Variants in ALLC observed in about 807,000 individuals in gnomAD.
The protein encoded by ALLC is allantoicase.
ALLC carries 40 observed loss-of-function variants against 45.0 expected under a neutral mutation model. The ratio of observed to expected loss-of-function variants is 0.89; its 90% CI spans 0.69 to 1.16. The LOEUF (loss-of-function observed/expected upper bound fraction) is 1.16, where lower values mean the gene tolerates loss of function less well. Among genes scored for constraint, ALLC ranks in the 50% most tolerant of loss-of-function variants. The pLI, the probability that ALLC is intolerant of heterozygous loss-of-function variation, is 0.00. For synonymous variants in ALLC, 176 were observed against 178.1 expected (o/e 0.99, Z 0.09); for missense variants, 488 against 493.1 (o/e 0.99, Z 0.10).
At chr2:3,690,966 T>C (rs200365318) in intron 7 of ALLC, among the ~76,000 whole-genome samples, 4 of 149,892 alleles carry the variant, frequency 2.7e-5, no homozygotes, top group African/African-American at 9.8e-5. Context: ...TTTTTTTTTT[T>C]CAAATGGAAG....
intron 1 of ALLC, among the ~76,000 whole-genome samples, chr2:3,662,587 C>T (rs1163082795): frequency 6.6e-6 from 1 of 152,116 alleles, no homozygotes; most frequent in African/African-American, 2.4e-5. Context: ...CCCTGATATT[C>T]TTTTTTTATA....
chr2:3,683,287 A>T (rs6732295), intron 7 of ALLC, among the ~76,000 whole-genome samples: 40,493 of 152,190 alleles, frequency 0.27, 6,028 homozygotes, highest in Middle Eastern at 0.4. Flanking sequence ...GTAAATTAGG[A>T]TGTGGTGGAA....
chr2:3,701,694 C>T, intron 11 of ALLC, 58 bp downstream of exon 11: 1 of 1,536,650 alleles, frequency 6.5e-7, no homozygotes, highest in East Asian at 2.3e-5. Flanking sequence ...CCCTAAGATT[C>T]TCTTTTGAAG....
At chr2:3,677,019 C>G (rs570465926) in intron 3 of ALLC, among the ~76,000 whole-genome samples, 2 of 152,174 alleles carry the variant, frequency 1.3e-5, no homozygotes, top group Non-Finnish European at 2.9e-5. Flanking sequence ...AACTCCTGAC[C>G]TCAGGTGATC....
At chr2:3,660,413 C>A (rs1178991531) in intron 1 of ALLC, among the ~76,000 whole-genome samples, 1 of 152,132 alleles carries the variant, frequency 6.6e-6, no homozygotes, top group Non-Finnish European at 1.5e-5. Flanking sequence ...CACAGCGACA[C>A]AAATAGGCTA....
chr2:3,649,159 G>A, the ALLC span, among the ~76,000 whole-genome samples: 17 of 152,068 alleles, frequency 1.1e-4, no homozygotes, highest in South Asian at 2.1e-4. Flanking sequence ...CAATGGGCGC[G>A]TTAATGAGCA....
At chr2:3,679,183 C>T (rs916104357) in intron 4 of ALLC, among the ~76,000 whole-genome samples, 3 of 152,152 alleles carry the variant, frequency 2.0e-5, no homozygotes, top group Admixed American at 2.0e-4. Flanking sequence ...TTTGATATTT[C>T]TAGTTTTCTA....
the ALLC span, among the ~76,000 whole-genome samples, chr2:3,646,640 C>A: frequency 6.6e-6 from 1 of 152,218 alleles, no homozygotes; most frequent in African/African-American, 2.4e-5. Flanking sequence ...GGGAGCCCGT[C>A]AGAGCGACCA....
chr2:3,665,598 A>T (rs2147993819), intron 1 of ALLC, among the ~76,000 whole-genome samples: 1 of 151,998 alleles, frequency 6.6e-6, no homozygotes, highest in East Asian at 1.9e-4. Flanking sequence ...TTTGCTGAGG[A>T]TAATGGCTTC....
intron 7 of ALLC, 88 bp downstream of exon 7, chr2:3,683,162 C>T: frequency 7.2e-7 from 1 of 1,385,748 alleles, no homozygotes; most frequent in Non-Finnish European, 9.8e-7. Flanking sequence ...CTTGCTCTTT[C>T]CTTCTTGGTA....
intron 7 of ALLC, among the ~76,000 whole-genome samples, chr2:3,689,491 A>G (rs1289212989): frequency 6.6e-6 from 1 of 150,796 alleles, no homozygotes; most frequent in African/African-American, 2.4e-5. Context: ...ATGTTGTTTA[A>G]TTTACATGTG....
In ALLC at chr2:3,680,140, T is replaced by A; in HGVS notation, c.298+146T>A. ...AGGCTACTTTACTGTAACGGGGCTGTAGGACCAGGACTCCTAGTAGAGCGC... is the reference window on the plus strand; with the variant it reads ...AGGCTACTTTACTGTAACGGGGCTGAAGGACCAGGACTCCTAGTAGAGCGC... On this transcript the variant is annotated intron_variant, in intron 5 of 11. Coordinates refer to ENST00000252505, the MANE Select transcript of ALLC (RefSeq NM_018436.4). The surrounding 1 kb of genome is among the most constrained non-coding windows in gnomAD (Gnocchi z 4.0). The A allele has an allele frequency of 8.9e-7, 1 of 1,129,350 alleles. No homozygotes were observed. The highest frequency in any genetic ancestry group is 1.3e-6 in the Non-Finnish European group (1 of 789,200). 70.0% of individuals were successfully genotyped at this position (1,129,350 alleles called of 1,614,324 possible). A position where few individuals can be genotyped will look rare whatever the true frequency, so the allele number is the denominator to read the frequency against.
At chr2:3,656,705 G>T (rs1666447181), upstream of ALLC, among the ~76,000 whole-genome samples, 1 of 152,208 alleles carries the variant, frequency 6.6e-6, no homozygotes, top group Non-Finnish European at 1.5e-5. Flanking sequence ...CAAATCTGCA[G>T]CGTCAGAATC....
At chr2:3,660,993 T>A (rs1172781458) in intron 1 of ALLC, among the ~76,000 whole-genome samples, 1 of 152,176 alleles carries the variant, frequency 6.6e-6, no homozygotes, top group Non-Finnish European at 1.5e-5. Context: ...TGAAGAGAAA[T>A]TTAGGACTTA....
chr2:3,674,042 G>A (rs13390724), intron 2 of ALLC, 33 bp from the exon 3 acceptor site: 531,102 of 1,447,772 alleles, frequency 0.37, 99,385 homozygotes, highest in African/African-American at 0.49. Flanking sequence ...ATTTATGGTT[G>A]CTTTATCTTT....
chr2:3,679,186 G>A (rs1313286994), intron 4 of ALLC, among the ~76,000 whole-genome samples: 1 of 152,190 alleles, frequency 6.6e-6, no homozygotes, highest in East Asian at 1.9e-4. Context: ...GATATTTCTA[G>A]TTTTCTAACT....
At chr2:3,662,380 C>G (rs987538834) in intron 1 of ALLC, among the ~76,000 whole-genome samples, 1 of 152,252 alleles carries the variant, frequency 6.6e-6, no homozygotes, top group African/African-American at 2.4e-5. Flanking sequence ...CAAGGCCCCG[C>G]AGGCAGTTCT....
chr2:3,653,719 C>G (rs1193747495), upstream of ALLC, among the ~76,000 whole-genome samples: 1 of 152,042 alleles, frequency 6.6e-6, no homozygotes, highest in Non-Finnish European at 1.5e-5. The surrounding 1 kb of genome is among the most constrained non-coding windows in gnomAD (Gnocchi z 4.1). Flanking sequence ...CACCTCGTTT[C>G]CCTCATCCCG....
At chr2:3,674,215 T>C in intron 3 of ALLC, 90 bp downstream of exon 3, 1 of 981,646 alleles carries the variant, frequency 1.0e-6, no homozygotes, top group African/African-American at 1.7e-5. Context: ...ATATTTGGGA[T>C]GGAGTCATGT....
Sources: allele counts gnomAD v4.1 joint callset (sites outside exome capture counted in the v4.1 genomes callset), GRCh38; gene constraint gnomAD v4.1.1; non-coding constraint Gnocchi (gnomAD v3.1); transcripts MANE v1.5; gene names NCBI Gene and HGNC (gene_info 2026-07-23, HGNC 2026-07-21).